Variants in TTLL4 observed in about 807,000 individuals in gnomAD.
TTLL4 encodes tubulin tyrosine ligase like 4.
A neutral mutation model predicts 122.7 loss-of-function variants in TTLL4; 85 were observed. The ratio of observed to expected loss-of-function variants is 0.69; its 90% CI spans 0.58 to 0.83. The LOEUF (loss-of-function observed/expected upper bound fraction) is 0.83, where lower values mean the gene tolerates loss of function less well. Ranked by LOEUF, TTLL4 falls within the 40% of genes least tolerant of loss-of-function variation. TTLL4 has a pLI of 0.00. For synonymous variants in TTLL4, 553 were observed against 563.0 expected (o/e 0.98, Z 0.25); for missense variants, 1,363 against 1,488.6 (o/e 0.92, Z 1.39).
chr2:218,720,482 C>G (rs1942000580), intron 1 of TTLL4, among the ~76,000 whole-genome samples: 1 of 152,082 alleles, frequency 6.6e-6, no homozygotes, highest in African/African-American at 2.4e-5. Flanking sequence ...ATACTCCAGC[C>G]TGGTCAGCAT....
intron 5 of TTLL4, 56 bp from the exon 6 acceptor site, chr2:218,745,053 G>A (rs2272191): frequency 0.47 from 744,681 of 1,591,878 alleles, 178,902 homozygotes; most frequent in African/African-American, 0.6. Context: ...TAGTAACGAC[G>A]CTTCAGGGCT....
chr2:218,746,553 A>G (rs909427062), intron 8 of TTLL4: 11 of 419,332 alleles, frequency 2.6e-5, no homozygotes, highest in African/African-American at 2.0e-4. Flanking sequence ...TTTTCCTCTA[A>G]TGTGTCTTGA....
At chr2:218,713,322 G>A (rs1478094261) in intron 1 of TTLL4, among the ~76,000 whole-genome samples, 2 of 152,212 alleles carry the variant, frequency 1.3e-5, no homozygotes, top group African/African-American at 4.8e-5. Context: ...AGGTTATCCA[G>A]GCTGGAGTGC....
Position 218,753,586 on chromosome 2 carries a change from G to T in TTLL4, c.3261G>T (p.Trp1087Cys). 6.2e-7 allele frequency: 1 copy of T among 1,614,076 alleles called. No homozygotes were observed. ...MGVVSDSAPV[W>C]SLPTSLLTIS... ...CTCATTGCTTCCTTTGCTCTTAGTG[G>T]TCTCTCCCGACATCACTTCTGACTA... is the stretch of plus-strand genomic sequence containing the variant. The change falls in exon 19 of 20, where the codon TGG becomes TGT. Residue 1087 changes from tryptophan (W) to cysteine (C), a missense_variant and splice_region_variant. Trp to Cys is a radical substitution (Grantham distance 215). Around this residue, in one of 3 missense-constraint regions of TTLL4, gnomAD observed 596 missense variants for 655.8 expected, o/e 0.91. Coordinates refer to ENST00000392102, the MANE Select transcript of TTLL4 (RefSeq NM_014640.5).
intron 2 of TTLL4, among the ~76,000 whole-genome samples, chr2:218,729,731 T>G (rs1942302491): frequency 6.8e-6 from 1 of 147,330 alleles, no homozygotes; most frequent in Non-Finnish European, 1.5e-5. Flanking sequence ...TTTAGGATTT[T>G]CTTTTCTCTC....
intron 1 of TTLL4, among the ~76,000 whole-genome samples, chr2:218,725,203 C>A (rs1256755322): frequency 1.3e-5 from 2 of 152,052 alleles, no homozygotes; most frequent in Non-Finnish European, 2.9e-5. Flanking sequence ...CACCCTAGAA[C>A]AAGTCATTTT....
At chr2:218,745,361 GCT>G in intron 6 of TTLL4, 128 bp downstream of exon 6, 2 of 1,283,268 alleles carry the variant, frequency 1.6e-6, no homozygotes, top group South Asian at 2.6e-5. Flanking sequence ...GTCACACTGT[GCT>G]CAGTTCCCCA....
chr2:218,759,174 G>A (rs530311035), downstream of TTLL4, among the ~76,000 whole-genome samples: 35 of 152,314 alleles, frequency 2.3e-4, no homozygotes, highest in Non-Finnish European at 4.1e-4. Context: ...AACCCAGGAG[G>A]CAGAAGGTTG....
intron 1 of TTLL4, among the ~76,000 whole-genome samples, chr2:218,723,241 G>A (rs1329998448): frequency 6.6e-6 from 1 of 152,134 alleles, no homozygotes; most frequent in Non-Finnish European, 1.5e-5. Context: ...TTTGACTCTA[G>A]CCCTAAAATC....
chr2:218,757,083 G>A (rs978344318), downstream of TTLL4, among the ~76,000 whole-genome samples: 3 of 152,106 alleles, frequency 2.0e-5, no homozygotes, highest in Non-Finnish European at 4.4e-5. Flanking sequence ...TACAGTGCAG[G>A]GTTGCGAAGA....
intron 5 of TTLL4, among the ~76,000 whole-genome samples, chr2:218,744,667 A>T (rs965190874): frequency 4.6e-5 from 7 of 152,160 alleles, no homozygotes; most frequent in Admixed American, 1.3e-4. Flanking sequence ...TTTTTTATTT[A>T]AAAGTCTCTA....
downstream of TTLL4, among the ~76,000 whole-genome samples, chr2:218,758,506 A>G (rs887115361): frequency 6.6e-6 from 1 of 152,246 alleles, no homozygotes; most frequent in African/African-American, 2.4e-5. Context: ...TACTATTACA[A>G]TAGCGTGTTA....
chr2:218,752,968 T>G lies in TTLL4; in HGVS notation c.3182T>G (p.Leu1061Arg). Residue 1061 changes from leucine (L) to arginine (R), a missense_variant, in exon 17 of 20, where the codon CTT becomes CGT. Around this residue, in one of 3 missense-constraint regions of TTLL4, gnomAD observed 596 missense variants for 655.8 expected, o/e 0.91. Transcript: ENST00000392102. ...GAACAGAAATACCATGGCAACAAGC[T>G]TAAAGGTGATGTGCCCTCCCTGCCC... ...QWEQKYHGNK[L>R]KGVDLLRSWC... The G allele has an allele frequency of 6.2e-7, 1 of 1,614,180 alleles. No homozygotes were observed. Among genetic ancestry groups the G allele is most frequent in the Non-Finnish European group, 8.5e-7 (1 of 1,180,026 alleles).
chr2:218,740,809 C>T (rs144532522), intron 5 of TTLL4, among the ~76,000 whole-genome samples: 1,614 of 151,580 alleles, frequency 0.011, 42 homozygotes, highest in African/African-American at 0.036. Context: ...CGCAGTGGCT[C>T]ACACCTGTAA....
chr2:218,759,633 C>T (rs980356567), downstream of TTLL4, among the ~76,000 whole-genome samples: 10 of 152,068 alleles, frequency 6.6e-5, no homozygotes, highest in Admixed American at 2.0e-4. Context: ...GGATACATGA[C>T]TATATACAGT....
rs1179705962 is a variant in TTLL4, at chr2:218,755,073, T to C, written c.*684T>C. 1.3e-5 allele frequency: 2 copies of C among 152,510 alleles called. No homozygotes were observed. The highest frequency in any genetic ancestry group is 3.8e-4 in the East Asian group (2 of 5,198). 9.4% of individuals were successfully genotyped at this position (152,510 alleles called of 1,614,324 possible). ...CTCTCGTGGACATCTGTTCTTTAGCTGTTGGCTTTCTCTGAGGTGTGAGAG... is the reference window on the plus strand; with the variant it reads ...CTCTCGTGGACATCTGTTCTTTAGCCGTTGGCTTTCTCTGAGGTGTGAGAG... On this transcript the variant is annotated 3_prime_UTR_variant, in exon 20 of 20. Transcript: ENST00000392102.
chr2:218,730,563 T>G (rs2106416750), intron 2 of TTLL4, among the ~76,000 whole-genome samples: 1 of 152,120 alleles, frequency 6.6e-6, no homozygotes. Context: ...AGAGTGGACA[T>G]CCTTGTCTTA....
In TTLL4 at chr2:218,738,781, C is replaced by T; in HGVS notation, c.1105C>T (p.Gln369Ter). The T allele has an allele frequency of 2.5e-6, 4 of 1,614,200 alleles. No individual in the cohort carries two copies. Among genetic ancestry groups the T allele is most frequent in the Non-Finnish European group, 3.4e-6 (4 of 1,180,024 alleles). ...EQSSFLNPSF[Q>*]WNVLNRSRRW... ...GTCTAGTTTCCTGAACCCCAGCTTC[C>T]AGTGGAATGTCCTCAACAGGAGCAG... Residue 369 changes from glutamine to a stop codon, truncating the protein, a stop_gained, in exon 3 of 20, where the codon CAG becomes TAG. Coordinates refer to ENST00000392102, the MANE Select transcript of TTLL4 (RefSeq NM_014640.5). LOFTEE classifies it high-confidence loss of function.
chr2:218,741,314 T>C (rs892842835), intron 5 of TTLL4, among the ~76,000 whole-genome samples: 1 of 152,222 alleles, frequency 6.6e-6, no homozygotes, highest in South Asian at 2.1e-4. Flanking sequence ...GCTGAGCCAC[T>C]GCACCTGGCC....
Sources: allele counts gnomAD v4.1 joint callset (sites outside exome capture counted in the v4.1 genomes callset), GRCh38; gene constraint gnomAD v4.1.1; regional missense constraint gnomAD v4.1.1; transcripts MANE v1.5; gene names NCBI Gene and HGNC (gene_info 2026-07-23, HGNC 2026-07-21).